The following APBA2 variants were observed in gnomAD, a reference collection of about 807,000 sequenced individuals.
The protein encoded by APBA2 is amyloid-beta A4 precursor protein-binding family A member 2.
A neutral mutation model predicts 75.0 loss-of-function variants in APBA2; 30 were observed. The ratio of observed to expected loss-of-function variants is 0.40; its 90% CI spans 0.30 to 0.54. The LOEUF is 0.54. APBA2 is among the 20% of genes least tolerant of loss of function. APBA2 has a pLI of 0.49. For missense variants in APBA2, 801 were observed against 1,016.1 expected, an observed-to-expected ratio of 0.79 and a Z score of 2.88; for synonymous variants, 444 against 409.6, an observed-to-expected ratio of 1.08 and a Z score of -1.01.
At chr15:29,111,009 G>A (rs936639033) in intron 13 of APBA2, among the ~76,000 whole-genome samples, 9 of 152,254 alleles carry the variant, frequency 5.9e-5, no homozygotes, top group South Asian at 2.1e-4. Context: ...GTGGTGGTGC[G>A]GAAGGGGGTT....
chr15:29,041,587 G>A (rs953589725), intron 3 of APBA2, among the ~76,000 whole-genome samples: 1 of 151,620 alleles, frequency 6.6e-6, no homozygotes, highest in African/African-American at 2.4e-5. Context: ...TACAAGATCC[G>A]TATGCTGGAG....
intron 2 of APBA2, among the ~76,000 whole-genome samples, chr15:28,924,962 T>C (rs9788675): frequency 0.037 from 5,592 of 152,146 alleles, 260 homozygotes; most frequent in East Asian, 0.21. Flanking sequence ...TGATGGCCAG[T>C]CTATGGGTGG....
Position 29,107,228 on chromosome 15 carries a change from T to C in APBA2, c.1917+409T>C, listed in dbSNP as rs1226690335. Among the ~76,000 whole-genome samples, 4 of 152,234 alleles carry C rather than the reference T, an allele frequency of 2.6e-5. No homozygotes were observed. In the East Asian group the frequency reaches 7.7e-4, roughly 29 times the overall value. On this transcript the variant is annotated intron_variant, in intron 12 of 14. Coordinates refer to ENST00000683413, the MANE Select transcript of APBA2 (RefSeq NM_001353788.2). The stretch of plus-strand genomic sequence containing the variant: ...GGCTGGGGAGGTGGGGCACCCTGCA[T>C]GGGTTGGGTTCTGGGACGCAGGTTC...
intron 10 of APBA2, chr15:29,102,866 A>T (rs2044198054): frequency 6.6e-6 from 1 of 152,220 alleles, no homozygotes; most frequent in South Asian, 2.1e-4. Context: ...AAGGGTCCCC[A>T]TATTGTCATG....
chr15:29,108,346 C>G lies in APBA2; in HGVS notation c.1994C>G (p.Pro665Arg). ...GTCACCACGGTCCTTATCAAGCGGCCAGACCTCAAGTACCAGCTGGGCTTC... is the reference window on the plus strand; with the variant it reads ...GTCACCACGGTCCTTATCAAGCGGCGAGACCTCAAGTACCAGCTGGGCTTC... ...PPVTTVLIKRPDLKYQLGFSV... is the reference protein window; with the variant it reads ...PPVTTVLIKRRDLKYQLGFSV... The change falls in exon 13 of 15, where the codon CCA becomes CGA. Residue 665 changes from proline to arginine, a missense_variant. Transcript: ENST00000683413. 6.2e-7 allele frequency: 1 copy of G among 1,614,114 alleles called. No homozygotes were observed. Among genetic ancestry groups the G allele is most frequent in the Non-Finnish European group, 8.5e-7 (1 of 1,180,038 alleles).
chr15:28,915,090 AAACATACCATACCCACCT>A (rs2033608906), intron 1 of APBA2, among the ~76,000 whole-genome samples: 1 of 146,942 alleles, frequency 6.8e-6, no homozygotes, highest in African/African-American at 2.5e-5. Context: ...CACACACCAC[AAACATACCATACCCACCT>A]CACACACACC....
chr15:29,016,309 G>A lies in APBA2; in HGVS notation c.-41+20503G>A, dbSNP rs149547350. On this transcript the variant is annotated intron_variant, in intron 3 of 14. Coordinates refer to ENST00000683413, the MANE Select transcript of APBA2 (RefSeq NM_001353788.2). ...AACATATCTACCTCTGGTCAACACA[G>A]AAACAAGGTAAGCTTTTGTTATCCC... Among the ~76,000 whole-genome samples, 887 of 152,284 alleles carry A rather than the reference G, an allele frequency of 5.8e-3. 8 individuals are homozygous for A. The highest frequency in any genetic ancestry group is 9.2e-3 in the Non-Finnish European group (626 of 68,014).
At chr15:28,985,059 G>A (rs1413793605) in intron 2 of APBA2, among the ~76,000 whole-genome samples, 1 of 152,164 alleles carries the variant, frequency 6.6e-6, no homozygotes, top group Non-Finnish European at 1.5e-5. Context: ...TGTCCAGTCT[G>A]TACACATTGG....
intron 6 of APBA2, among the ~76,000 whole-genome samples, chr15:29,087,042 C>T (rs2152940992): frequency 6.6e-6 from 1 of 152,274 alleles, no homozygotes; most frequent in Admixed American, 6.5e-5. Flanking sequence ...TCCCATATCT[C>T]CATCTTGCCT....
At chr15:28,913,389 C>T (rs1288709812) in intron 1 of APBA2, among the ~76,000 whole-genome samples, 3 of 152,188 alleles carry the variant, frequency 2.0e-5, no homozygotes, top group Non-Finnish European at 2.9e-5. Flanking sequence ...CTGCACCTGC[C>T]GCCTTGTTCC....
chr15:29,031,790 A>G (rs1401350331), intron 3 of APBA2, among the ~76,000 whole-genome samples: 1 of 152,178 alleles, frequency 6.6e-6, no homozygotes, highest in African/African-American at 2.4e-5. Context: ...TCCACTTGCT[A>G]GCTACAGAGC....
intron 6 of APBA2, among the ~76,000 whole-genome samples, chr15:29,079,048 G>A (rs1171788847): frequency 1.3e-5 from 2 of 152,106 alleles, no homozygotes; most frequent in African/African-American, 4.8e-5. Context: ...TAATGCTTGC[G>A]GGGCAGGGCA....
intron 2 of APBA2, among the ~76,000 whole-genome samples, chr15:28,931,477 G>A (rs77807165): frequency 0.048 from 7,269 of 152,272 alleles, 580 homozygotes; most frequent in African/African-American, 0.17. Flanking sequence ...ATGACCTTGC[G>A]TCCTTCTCCC....
At chr15:29,036,436 C>A (rs1311244903) in intron 3 of APBA2, among the ~76,000 whole-genome samples, 1 of 152,094 alleles carries the variant, frequency 6.6e-6, no homozygotes, top group Non-Finnish European at 1.5e-5. Context: ...ACAGGGTGCA[C>A]AGCTAGGATG....
intron 10 of APBA2, among the ~76,000 whole-genome samples, chr15:29,105,007 C>G (rs746911244): frequency 6.6e-6 from 1 of 151,544 alleles, no homozygotes; most frequent in Non-Finnish European, 1.5e-5. Flanking sequence ...GACCTCATCT[C>G]GAAAGAAAAA....
intron 2 of APBA2, among the ~76,000 whole-genome samples, chr15:28,923,059 A>G (rs946850568): frequency 6.6e-6 from 1 of 152,218 alleles, no homozygotes; most frequent in African/African-American, 2.4e-5. Context: ...ATGCTTACTC[A>G]GACCACCCAT....
chr15:28,905,259 T>A (rs2033078551), intron 1 of APBA2, among the ~76,000 whole-genome samples: 2 of 152,344 alleles, frequency 1.3e-5, no homozygotes, highest in Admixed American at 1.3e-4. Context: ...TCTGTTGAGC[T>A]GGAAGGAGGA....
chr15:29,079,928 G>T (rs1200127350), intron 6 of APBA2, among the ~76,000 whole-genome samples: 1 of 152,160 alleles, frequency 6.6e-6, no homozygotes, highest in Admixed American at 6.5e-5. Context: ...ATGTCGCCTG[G>T]TCAACCACCA....
chr15:29,096,942 G>T (rs1249748435), intron 8 of APBA2, among the ~76,000 whole-genome samples: 1 of 152,204 alleles, frequency 6.6e-6, no homozygotes, highest in Non-Finnish European at 1.5e-5. Context: ...GTTTGGGGCA[G>T]ACTCTGAAGA....
Sources: allele counts gnomAD v4.1 joint callset (sites outside exome capture counted in the v4.1 genomes callset), GRCh38; gene constraint gnomAD v4.1.1; transcripts MANE v1.5; gene names NCBI Gene and HGNC (gene_info 2026-07-23, HGNC 2026-07-21).